AFF3: variants seen among roughly 807,000 people sequenced by gnomAD.
The protein encoded by AFF3 is ALF transcription elongation factor 3.
A neutral mutation model predicts 129.7 loss-of-function variants in AFF3; 32 were observed. The observed-to-expected ratio is 0.25, with a 90% CI of 0.19 to 0.33. AFF3 has a LOEUF of 0.33. Ranked by LOEUF, AFF3 falls within the 10% of genes least tolerant of loss-of-function variation. The pLI is 1.00. For synonymous variants in AFF3, 644 were observed against 635.4 expected, an observed-to-expected ratio of 1.01 and a Z score of -0.20; for missense variants, 1,373 against 1,592.0, an observed-to-expected ratio of 0.86 and a Z score of 2.34.
chr2:100,014,970 T>G (rs1304720453), intron 4 of AFF3, among the ~76,000 whole-genome samples: 1 of 133,078 alleles, frequency 7.5e-6, no homozygotes, highest in Non-Finnish European at 1.7e-5. Context: ...TTTTTTTTTT[T>G]TTTTTTTGTA....
intron 7 of AFF3, among the ~76,000 whole-genome samples, chr2:99,844,093 G>A (rs912924574): frequency 2.0e-5 from 3 of 151,912 alleles, no homozygotes; most frequent in East Asian, 1.9e-4. Flanking sequence ...AAACTTCTGC[G>A]TTTTACTGAA....
At chr2:99,742,372 C>T (rs1680790212) in intron 10 of AFF3, among the ~76,000 whole-genome samples, 1 of 152,068 alleles carries the variant, frequency 6.6e-6, no homozygotes, top group African/African-American at 2.4e-5. Flanking sequence ...AAAAAATCCC[C>T]TTACTCCTAG....
intron 4 of AFF3, among the ~76,000 whole-genome samples, chr2:100,064,696 G>C (rs1350789124): frequency 2.6e-5 from 4 of 152,160 alleles, no homozygotes; most frequent in African/African-American, 9.7e-5. Flanking sequence ...CAATCATCTT[G>C]ATAAACAAGG....
At chr2:99,691,642 C>T (rs930409865) in intron 11 of AFF3, among the ~76,000 whole-genome samples, 2 of 152,188 alleles carry the variant, frequency 1.3e-5, no homozygotes, top group Non-Finnish European at 2.9e-5. Flanking sequence ...GGCACCGCAA[C>T]CTTTTCTTCA....
chr2:99,880,516 T>G (rs958515604), intron 7 of AFF3, among the ~76,000 whole-genome samples: 1 of 152,162 alleles, frequency 6.6e-6, no homozygotes, highest in African/African-American at 2.4e-5. Flanking sequence ...CAGGCGGCCA[T>G]GGGATGGGCA....
At chr2:99,934,290 A>C (rs1674317325) in intron 7 of AFF3, among the ~76,000 whole-genome samples, 1 of 152,166 alleles carries the variant, frequency 6.6e-6, no homozygotes, top group Non-Finnish European at 1.5e-5. Context: ...TTTCACACTG[A>C]ACACTGACCC....
chr2:99,581,747 C>T (rs766554312), intron 17 of AFF3, among the ~76,000 whole-genome samples: 1 of 151,504 alleles, frequency 6.6e-6, no homozygotes, highest in African/African-American at 2.4e-5. Context: ...AACTAATGTT[C>T]CTGAAAGGAT....
At chr2:99,915,439 T>C (rs1262586438) in intron 7 of AFF3, among the ~76,000 whole-genome samples, 1 of 152,176 alleles carries the variant, frequency 6.6e-6, no homozygotes, top group Non-Finnish European at 1.5e-5. Context: ...ACCTATTTAG[T>C]TTCATCATAC....
chr2:100,078,761 C>T (rs1386535496), intron 4 of AFF3, among the ~76,000 whole-genome samples: 1 of 152,142 alleles, frequency 6.6e-6, no homozygotes, highest in East Asian at 1.9e-4. Context: ...GGATGCTAAA[C>T]TCCCTGATAT....
At chr2:99,645,215 T>C (rs1684589318) in intron 13 of AFF3, among the ~76,000 whole-genome samples, 1 of 152,082 alleles carries the variant, frequency 6.6e-6, no homozygotes, top group South Asian at 2.1e-4. Flanking sequence ...ACCATGGCAC[T>C]GGGCAGGGCA....
At chr2:99,616,341 CTTTT>C (rs1034244897) in intron 13 of AFF3, among the ~76,000 whole-genome samples, 1 of 148,362 alleles carries the variant, frequency 6.7e-6, no homozygotes, top group Non-Finnish European at 1.5e-5. Context: ...AGCTCTTTGA[CTTTT>C]TTTTTTTAAA....
intron 13 of AFF3, among the ~76,000 whole-genome samples, chr2:99,619,455 T>C (rs1319327773): frequency 6.6e-6 from 1 of 152,220 alleles, no homozygotes; most frequent in Non-Finnish European, 1.5e-5. Flanking sequence ...TGTAAAATAT[T>C]ACTCAGGTGT....
chr2:100,000,993 T>C (rs755686532), intron 7 of AFF3, among the ~76,000 whole-genome samples: 40 of 152,288 alleles, frequency 2.6e-4, no homozygotes, highest in Admixed American at 9.8e-4. Flanking sequence ...GGATCACACA[T>C]CACTTTCAAC....
chr2:100,040,359 G>A (rs1044916046), intron 4 of AFF3, among the ~76,000 whole-genome samples: 18 of 152,124 alleles, frequency 1.2e-4, no homozygotes, highest in African/African-American at 3.9e-4. Context: ...TTTGCTCCAG[G>A]AAAGAGTTCC....
At chr2:99,873,482 G>GA (rs1473855067) in intron 7 of AFF3, among the ~76,000 whole-genome samples, 1 of 152,160 alleles carries the variant, frequency 6.6e-6, no homozygotes, top group African/African-American at 2.4e-5. Flanking sequence ...ACTCTACCTG[G>GA]AAAATCACTG....
At chr2:99,912,058 G>C (rs1375286333) in intron 7 of AFF3, among the ~76,000 whole-genome samples, 1 of 152,222 alleles carries the variant, frequency 6.6e-6, no homozygotes, top group Non-Finnish European at 1.5e-5. Flanking sequence ...GCATGTGGAA[G>C]TAATTCAGAG....
At chr2:99,778,895 CGCGTGT>C (rs1258142095) in intron 8 of AFF3, among the ~76,000 whole-genome samples, 8,699 of 137,046 alleles carry the variant, frequency 0.063, 410 homozygotes, top group Admixed American at 0.14. Context: ...TGTGTGTGTG[CGCGTGT>C]GTGTGTGTGT....
In AFF3 at chr2:99,550,600, G is replaced by A. The variant is rs2104449942; in HGVS notation, c.*874C>T. On this transcript the variant is annotated 3_prime_UTR_variant, in exon 25 of 25. Transcript: ENST00000672756. ...CACCGAGTCACAGTGGCAGGAAGAAGAAATGCATGTGGCTGGTGGGCTTGT... is the reference window on the plus strand; with the variant it reads ...CACCGAGTCACAGTGGCAGGAAGAAAAAATGCATGTGGCTGGTGGGCTTGT... 1 of 232,940 alleles carries A rather than the reference G, an allele frequency of 4.3e-6. No homozygotes were observed. The highest frequency in any genetic ancestry group is 6.0e-5 in the East Asian group (1 of 16,532). The allele number at this position is 232,940 out of a possible 1,614,324, so 14.4% of individuals were successfully genotyped here. A position where few individuals can be genotyped will look rare whatever the true frequency, so the allele number is the denominator to read the frequency against.
chr2:99,656,706 C>A (rs1685776162), intron 12 of AFF3, among the ~76,000 whole-genome samples: 1 of 152,116 alleles, frequency 6.6e-6, no homozygotes, highest in Non-Finnish European at 1.5e-5. Flanking sequence ...GGTCTCTTAA[C>A]TTTTTATGTT....
Sources: gnomAD v4.1 joint callset for allele counts (sites outside exome capture counted in the v4.1 genomes callset) on GRCh38, gnomAD v4.1.1 for gene constraint, MANE v1.5 for transcripts, NCBI Gene and HGNC (gene_info 2026-07-23, HGNC 2026-07-21) for gene names.